Variants in DUXA observed in about 807,000 individuals in gnomAD.
DUXA encodes double homeobox protein A.
DUXA carries 25 observed loss-of-function variants against 27.5 expected under a neutral mutation model. The ratio of observed to expected loss-of-function variants is 0.91; its 90% CI spans 0.66 to 1.27. The LOEUF (loss-of-function observed/expected upper bound fraction) is 1.27, where lower values mean the gene tolerates loss of function less well. DUXA is among the 50% of genes most tolerant of loss of function. The pLI, the probability that DUXA is intolerant of heterozygous loss-of-function variation, is 0.00. For missense variants in DUXA, 247 were observed against 242.9 expected (o/e 1.02, Z -0.11); for synonymous variants, 90 against 80.5 (o/e 1.12, Z -0.63).
At chr19:57,163,003 C>A (rs538009420) in intron 1 of DUXA, among the ~76,000 whole-genome samples, 1 of 151,862 alleles carries the variant, frequency 6.6e-6, no homozygotes, top group African/African-American at 2.4e-5. Context: ...ACGCGACATT[C>A]CATACCTTGA....
chr19:57,167,085 A>G (rs1263498354), intron 1 of DUXA, among the ~76,000 whole-genome samples: 1 of 152,146 alleles, frequency 6.6e-6, no homozygotes, highest in African/African-American at 2.4e-5. Flanking sequence ...TTGAGCTCTG[A>G]ACTTTGTGAT....
chr19:57,167,424 G>C lies in DUXA; in HGVS notation c.20C>G (p.Ser7Ter), dbSNP rs1039545281. 1 of 1,613,650 alleles carries C rather than the reference G, an allele frequency of 6.2e-7. No individual in the cohort carries two copies. The highest frequency in any genetic ancestry group is 8.5e-7 in the Non-Finnish European group (1 of 1,179,864). MAEDTYSHKMVKTNHRR... is the reference protein window; with the variant it reads MAEDTY ...TCAAGCACAAGGGAACTTACTGTGT[G>C]AATAGGTGTCTTCGGCCATGCTGGA... Residue 7 changes from serine (S) to a stop codon, truncating the protein, a stop_gained, in exon 1 of 6, where the codon TCA (serine) becomes TGA (stop). Coordinates refer to ENST00000554048, the MANE Select transcript of DUXA (RefSeq NM_001012729.2). LOFTEE classifies it high-confidence loss of function.
intron 1 of DUXA, among the ~76,000 whole-genome samples, chr19:57,161,515 C>G (rs958226322): frequency 2.7e-5 from 4 of 149,168 alleles, no homozygotes; most frequent in Admixed American, 6.7e-5. Context: ...CCCAGCTACT[C>G]CGGAGGCTGA....
intron 1 of DUXA, among the ~76,000 whole-genome samples, chr19:57,162,566 GTTTTGTTTTTTGTT>G (rs113465236): frequency 6.6e-6 from 1 of 151,744 alleles, no homozygotes; most frequent in Non-Finnish European, 1.5e-5. Context: ...CTGGTCCATT[GTTTTGTTTTTTGTT>G]TTTTGTTTTT....
At chr19:57,166,371 ATG>A (rs1188048990) in intron 1 of DUXA, among the ~76,000 whole-genome samples, 1 of 152,194 alleles carries the variant, frequency 6.6e-6, no homozygotes, top group African/African-American at 2.4e-5. Context: ...GGTACATGGC[ATG>A]ATCACGGCTC....
chr19:57,159,704 C>T lies in DUXA; in HGVS notation c.181-426G>A, dbSNP rs150953638. Among the ~76,000 whole-genome samples the T allele has an allele frequency of 3.1e-3, 475 of 151,936 alleles. 3 individuals carry two copies. Among genetic ancestry groups the T allele is most frequent in the South Asian group, 0.018 (87 of 4,798 alleles). On this transcript the variant is annotated intron_variant, in intron 2 of 5. Transcript: ENST00000554048. ...CTGGGATTATAAGCATGACCTACCA[C>T]GCCCAGCCCATCTACCAACTCTTTG...
At chr19:57,161,106 A>T (rs1197069190) in intron 1 of DUXA, among the ~76,000 whole-genome samples, 1 of 151,862 alleles carries the variant, frequency 6.6e-6, no homozygotes, top group Non-Finnish European at 1.5e-5. Flanking sequence ...TGGTCAGATC[A>T]TGAGGTCAGG....
chr19:57,160,510 T>G, intron 2 of DUXA, 133 bp downstream of exon 2: 1 of 1,046,790 alleles, frequency 9.6e-7, no homozygotes, highest in Non-Finnish European at 1.4e-6. Flanking sequence ...AACACCTTCG[T>G]GGGTTTATTG....
chr19:57,165,324 AATAT>A lies in DUXA; in HGVS notation c.25+2091_25+2094del, dbSNP rs74179420. On this transcript the variant is annotated intron_variant, in intron 1 of 5. Coordinates refer to ENST00000554048, the MANE Select transcript of DUXA (RefSeq NM_001012729.2). ...TCTGGAGTAGGAAAAAAAAAAAAAA[AATAT>A]ATATATATATATATATGTATATATA... 6.2e-3 allele frequency among the ~76,000 whole-genome samples: 556 copies of A among 89,252 alleles called. 2 individuals carry two copies. The highest frequency in any genetic ancestry group is 8.4e-3 in the Non-Finnish European group (368 of 43,834). 58.6% of individuals were successfully genotyped at this position (89,252 alleles called of 152,430 possible). A position where few individuals can be genotyped will look rare whatever the true frequency, so the allele number is the denominator to read the frequency against.
chr19:57,159,249 G>A lies in DUXA; in HGVS notation c.210C>T (p.His70=), dbSNP rs368587814. ...CAGCTTCTGGTCTTTTCTGGAATCC[G>A]TGCCTAGCTCTTCGATTCTGAAACC... The part of the protein sequence containing the change: ...QIWFQNRRAR[H]GFQKRPEAET... The change falls in exon 3 of 6, where the codon CAC becomes CAT. Residue 70 remains histidine, a synonymous_variant. Transcript: ENST00000554048. 5.9e-5 allele frequency: 95 copies of A among 1,613,918 alleles called. 1 individual carries two copies. The highest frequency in any genetic ancestry group is 9.3e-5 in the African/African-American group (7 of 74,916).
At chr19:57,157,152 A>G (rs185494656) in intron 4 of DUXA, among the ~76,000 whole-genome samples, 245 of 152,292 alleles carry the variant, frequency 1.6e-3, no homozygotes, top group Non-Finnish European at 2.7e-3. Context: ...AAACGAAAGA[A>G]CCATCAGAAC....
chr19:57,161,013 C>G lies in DUXA; in HGVS notation c.26-216G>C, dbSNP rs147759310. ...GCCATACTAAGAAGTCAGGGATCCT[C>G]TGTTTTGAAAAACCATTAAAAACCA... On this transcript the variant is annotated intron_variant, in intron 1 of 5. Transcript: ENST00000554048. Among the ~76,000 whole-genome samples the G allele has an allele frequency of 3.9e-5, 6 of 152,008 alleles. No individual in the cohort carries two copies. In the East Asian group the frequency reaches 9.7e-4, roughly 25 times the overall value.
At position 57,158,275 on chromosome 19, in the gene DUXA, T is replaced by G. The variant is rs16987760; in HGVS notation, c.438+53A>C. On this transcript the variant is annotated intron_variant, in intron 4 of 5. Transcript: ENST00000554048. ...TGCCTGAGGCCCATGTGGCTTCCCT[T>G]CCTGTATACCTAGATCCCTAGGAGA... The G allele has an allele frequency of 3.9e-3, 6,171 of 1,596,234 alleles. 192 individuals carry two copies. The African/African-American group carries it at 0.07, about 18-fold the overall frequency.
chr19:57,156,383 C>CA (rs2122688713), intron 4 of DUXA, among the ~76,000 whole-genome samples: 1 of 152,166 alleles, frequency 6.6e-6, no homozygotes, highest in East Asian at 1.9e-4. Context: ...CACACACTCA[C>CA]AAAAATCCCT....
intron 1 of DUXA, among the ~76,000 whole-genome samples, chr19:57,162,812 G>A (rs2087031265): frequency 3.9e-5 from 6 of 152,122 alleles, no homozygotes; most frequent in Admixed American, 3.9e-4. Context: ...CTGACCTCCT[G>A]ATCCACCCAC....
Position 57,154,450 on chromosome 19 carries a change from T to C in DUXA, c.577A>G (p.Thr193Ala). 1 of 1,613,776 alleles carries C rather than the reference T, an allele frequency of 6.2e-7. No homozygotes were observed. The highest frequency in any genetic ancestry group is 1.1e-5 in the South Asian group (1 of 91,080). The change falls in exon 6 of 6, where the codon ACT (threonine) becomes GCT (alanine). Residue 193 changes from threonine to alanine, a missense_variant. By Grantham distance (58) the Thr-to-Ala change is moderately conservative (BLOSUM62 0). Coordinates refer to ENST00000554048, the MANE Select transcript of DUXA (RefSeq NM_001012729.2). ...GCTCCAGAGAAATGAGAGTCACTAG[T>C]GAAGTTGGTGCCATTTTGTGTATCT... ...AEDTQNGTNFTSDSHFSGART... is the reference protein window; with the variant it reads ...AEDTQNGTNFASDSHFSGART...
At position 57,154,335 on chromosome 19, in the gene DUXA, G is replaced by A. The variant is rs1568462490; in HGVS notation, c.*77C>T. 1 of 1,381,440 alleles carries A rather than the reference G, an allele frequency of 7.2e-7. No individual in the cohort carries two copies. Among genetic ancestry groups the A allele is most frequent in the South Asian group, 1.2e-5 (1 of 84,924 alleles). The allele number at this position is 1,381,440 out of a possible 1,614,324, so 85.6% of individuals were successfully genotyped here. Reference sequence around the variant, plus strand: ...GGCTTAGCTTGCAGTTTCAGCAGAAGGATAGACTCCCAGGAAGACCGTGAG... The same window carrying A: ...GGCTTAGCTTGCAGTTTCAGCAGAAAGATAGACTCCCAGGAAGACCGTGAG... On this transcript the variant is annotated 3_prime_UTR_variant, in exon 6 of 6. Transcript: ENST00000554048.
intron 3 of DUXA, among the ~76,000 whole-genome samples, chr19:57,158,922 T>G (rs2087006254): frequency 6.6e-6 from 1 of 152,058 alleles, no homozygotes; most frequent in African/African-American, 2.4e-5. Context: ...AGGCAGAGGT[T>G]GTAGTGAGCC....
At chr19:57,158,542 A>T in intron 3 of DUXA, 69 bp from the exon 4 acceptor site, 1 of 1,563,484 alleles carries the variant, frequency 6.4e-7, no homozygotes, top group Admixed American at 1.7e-5. Flanking sequence ...CACATATTCA[A>T]ACACAGAACC....
Sources: allele counts gnomAD v4.1 joint callset (sites outside exome capture counted in the v4.1 genomes callset), GRCh38; gene constraint gnomAD v4.1.1; transcripts MANE v1.5; gene names NCBI Gene and HGNC (gene_info 2026-07-23, HGNC 2026-07-21).